The following TMEM38B variants were observed in gnomAD, a reference collection of about 807,000 sequenced individuals.
The protein encoded by TMEM38B is trimeric intracellular cation channel type B.
Under a neutral mutation model 28.7 loss-of-function variants are expected in TMEM38B, and 24 were observed. The observed-to-expected ratio is 0.84, with a 90% CI of 0.61 to 1.18. The LOEUF (loss-of-function observed/expected upper bound fraction) is 1.18. Among genes scored for constraint, TMEM38B ranks in the 50% most tolerant of loss-of-function variants. TMEM38B has a pLI of 0.00. For missense variants in TMEM38B, 380 were observed against 350.9 expected, an observed-to-expected ratio of 1.08 and a Z score of -0.66; for synonymous variants, 131 against 127.7, an observed-to-expected ratio of 1.03 and a Z score of -0.17.
intron 5 of TMEM38B, among the ~76,000 whole-genome samples, chr9:105,753,917 A>G (rs1253329799): frequency 1.3e-5 from 2 of 152,188 alleles, no homozygotes; most frequent in Admixed American, 6.5e-5. Flanking sequence ...TCTTCAAGAA[A>G]CCCATATTCC....
intron 4 of TMEM38B, among the ~76,000 whole-genome samples, chr9:105,731,919 A>G (rs990787533): frequency 6.6e-6 from 1 of 152,158 alleles, no homozygotes; most frequent in Non-Finnish European, 1.5e-5. Context: ...TTACAGTCCC[A>G]CCAACAGTGT....
chr9:105,773,885 G>A lies in TMEM38B; in HGVS notation c.681G>A (p.Gln227=), dbSNP rs1406854842. 1 of 1,613,460 alleles carries A rather than the reference G, an allele frequency of 6.2e-7. No homozygotes were observed. Among genetic ancestry groups the A allele is most frequent in the African/African-American group, 1.3e-5 (1 of 74,968 alleles). Residue 227 remains glutamine (Q), a synonymous_variant, in exon 6 of 6, where the codon CAG becomes CAA. Transcript: ENST00000374692. ...CCCAGATAACCATGATGACTACACAGACTTCTACTATGACATTTGCTCCTT... is the reference window on the plus strand; with the variant it reads ...CCCAGATAACCATGATGACTACACAAACTTCTACTATGACATTTGCTCCTT... ...VATKITMMTT[Q]TSTMTFAPFE...
chr9:105,761,885 C>G (rs1273072966), intron 5 of TMEM38B, among the ~76,000 whole-genome samples: 5 of 152,108 alleles, frequency 3.3e-5, no homozygotes, highest in African/African-American at 1.2e-4. Context: ...TTATAAGTGT[C>G]AAGATAGTGG....
At chr9:105,713,295 G>A (rs904227050) in intron 2 of TMEM38B, among the ~76,000 whole-genome samples, 11 of 152,180 alleles carry the variant, frequency 7.2e-5, no homozygotes, top group Non-Finnish European at 1.6e-4. Context: ...CCCCCAAACC[G>A]GGGCTGCAGA....
At chr9:105,720,022 AT>A (rs1233491877) in intron 2 of TMEM38B, among the ~76,000 whole-genome samples, 6 of 152,108 alleles carry the variant, frequency 3.9e-5, no homozygotes, top group African/African-American at 1.4e-4. Flanking sequence ...CAAATTTTCT[AT>A]GAATGTGTAA....
At chr9:105,771,951 A>G (rs542022593) in intron 5 of TMEM38B, among the ~76,000 whole-genome samples, 214 of 152,334 alleles carry the variant, frequency 1.4e-3, no homozygotes, top group African/African-American at 4.8e-3. Context: ...ATTACATTCA[A>G]CATCTTCTGG....
chr9:105,761,609 G>T (rs1230677882), intron 5 of TMEM38B, among the ~76,000 whole-genome samples: 1 of 152,090 alleles, frequency 6.6e-6, no homozygotes, highest in Non-Finnish European at 1.5e-5. Flanking sequence ...ATTACCTACT[G>T]CAATCAGGGC....
chr9:105,724,568 A>G (rs1836439114), intron 4 of TMEM38B, among the ~76,000 whole-genome samples: 1 of 151,494 alleles, frequency 6.6e-6, no homozygotes, highest in African/African-American at 2.4e-5. Context: ...AGTTGCAATG[A>G]GCTGAGATCG....
intron 3 of TMEM38B, 67 bp from the exon 4 acceptor site, chr9:105,722,467 G>A (rs1836352590): frequency 8.2e-6 from 10 of 1,212,248 alleles, no homozygotes; most frequent in Non-Finnish European, 8.6e-6. Flanking sequence ...TAGAATTATG[G>A]CTCCCTTTAA....
intron 4 of TMEM38B, among the ~76,000 whole-genome samples, chr9:105,747,591 A>C (rs1057015843): frequency 1.3e-5 from 2 of 151,700 alleles, no homozygotes; most frequent in Non-Finnish European, 2.9e-5. Flanking sequence ...TTCTGCTTTG[A>C]TCTTAGTTAT....
chr9:105,768,587 A>G (rs576828975), intron 5 of TMEM38B, among the ~76,000 whole-genome samples: 1 of 152,180 alleles, frequency 6.6e-6, no homozygotes, highest in African/African-American at 2.4e-5. Context: ...TTACATAGAT[A>G]TAGGGCTATG....
intron 5 of TMEM38B, among the ~76,000 whole-genome samples, chr9:105,756,719 A>T (rs1837844406): frequency 6.6e-6 from 1 of 152,172 alleles, no homozygotes. Context: ...AATAATAAAG[A>T]TATTTAAAAA....
intron 4 of TMEM38B, among the ~76,000 whole-genome samples, chr9:105,747,497 A>G (rs932711719): frequency 2.6e-5 from 4 of 152,050 alleles, no homozygotes; most frequent in Admixed American, 6.5e-5. Flanking sequence ...CTAGCGGTCT[A>G]TCAATTTTGC....
intron 4 of TMEM38B, among the ~76,000 whole-genome samples, chr9:105,737,184 G>C (rs1352787360): frequency 6.6e-6 from 1 of 152,190 alleles, no homozygotes; most frequent in Non-Finnish European, 1.5e-5. Context: ...AGTAGATGCA[G>C]ATCGGCCACA....
At chr9:105,747,262 T>C (rs1837442920) in intron 4 of TMEM38B, among the ~76,000 whole-genome samples, 1 of 152,248 alleles carries the variant, frequency 6.6e-6, no homozygotes, top group South Asian at 2.1e-4. Flanking sequence ...GAGCCTGTTA[T>C]TGGTCTATTC....
intron 2 of TMEM38B, among the ~76,000 whole-genome samples, chr9:105,713,845 C>G (rs761060994): frequency 2.8e-4 from 42 of 152,184 alleles, no homozygotes; most frequent in Non-Finnish European, 5.4e-4. Context: ...CCCATAAAAG[C>G]TCTGGGCTCA....
At chr9:105,739,611 GC>G (rs1837118625) in intron 4 of TMEM38B, among the ~76,000 whole-genome samples, 1 of 152,008 alleles carries the variant, frequency 6.6e-6, no homozygotes, top group South Asian at 2.1e-4. Flanking sequence ...TGCAACCTCT[GC>G]CTCCTGGGTT....
At chr9:105,759,645 A>G (rs1331578958) in intron 5 of TMEM38B, 60 of 1,597,974 alleles carry the variant, frequency 3.8e-5, no homozygotes, top group Non-Finnish European at 5.0e-5. Flanking sequence ...AGAGGCATCA[A>G]TCTTTTCCAA....
At chr9:105,702,173 G>A (rs1408717893) in intron 1 of TMEM38B, among the ~76,000 whole-genome samples, 1 of 152,112 alleles carries the variant, frequency 6.6e-6, no homozygotes, top group Non-Finnish European at 1.5e-5. Context: ...AAATAATTTT[G>A]ATGAAAAAGC....
Sources: gnomAD v4.1 joint callset for allele counts (sites outside exome capture counted in the v4.1 genomes callset) on GRCh38, gnomAD v4.1.1 for gene constraint, MANE v1.5 for transcripts, NCBI Gene and HGNC (gene_info 2026-07-23, HGNC 2026-07-21) for gene names.